The following PCDHGA4 variants were observed in gnomAD, a reference collection of about 807,000 sequenced individuals.
PCDHGA4 encodes the protein protocadherin gamma subfamily A, 4.
A neutral mutation model predicts 54.6 loss-of-function variants in PCDHGA4; 38 were observed. The ratio of observed to expected loss-of-function variants is 0.70; its 90% CI spans 0.54 to 0.91. PCDHGA4 has a LOEUF of 0.91. Among genes scored for constraint, PCDHGA4 ranks in the 40% least tolerant of loss-of-function variants. The pLI is 0.00. For missense variants in PCDHGA4, 1,298 were observed against 1,220.9 expected, an observed-to-expected ratio of 1.06 and a Z score of -0.94; for synonymous variants, 511 against 512.9, an observed-to-expected ratio of 1.00 and a Z score of 0.05.
At chr5:141,384,809 C>T (rs1780535972) in intron 1 of PCDHGA4, 1 of 1,613,250 alleles carries the variant, frequency 6.2e-7, no homozygotes, top group African/African-American at 1.3e-5. Context: ...GACAGAGATG[C>T]CCTCAAGCAG....
At chr5:141,446,128 G>T (rs1242643475) in intron 1 of PCDHGA4, among the ~76,000 whole-genome samples, 1 of 152,188 alleles carries the variant, frequency 6.6e-6, no homozygotes, top group Admixed American at 6.5e-5. Context: ...GGTTCAATAA[G>T]ACTTAATAAT....
chr5:141,391,775 A>T (rs996921581), intron 1 of PCDHGA4: 1 of 152,210 alleles, frequency 6.6e-6, no homozygotes, highest in Non-Finnish European at 1.5e-5. Flanking sequence ...TTATATAGTC[A>T]TTACTTTTTG....
intron 1 of PCDHGA4, chr5:141,378,704 G>A (rs1775100637): frequency 6.6e-6 from 1 of 152,054 alleles, no homozygotes. Flanking sequence ...AGACAATAAG[G>A]CTTTCATCAT....
intron 1 of PCDHGA4, chr5:141,398,694 T>A: frequency 6.2e-7 from 1 of 1,613,868 alleles, no homozygotes; most frequent in Non-Finnish European, 8.5e-7. Context: ...AGGATGGTAG[T>A]AAATACCCGG....
chr5:141,494,782 C>T, intron 1 of PCDHGA4, 25 bp from the exon 2 acceptor site: 1 of 1,614,110 alleles, frequency 6.2e-7, no homozygotes. Context: ...GGTACTCAGC[C>T]CCTTTCCCTC....
intron 1 of PCDHGA4, chr5:141,427,889 G>A: frequency 1.3e-6 from 2 of 1,566,516 alleles, no homozygotes; most frequent in Non-Finnish European, 1.7e-6. Context: ...CCCACGACCA[G>A]GGCTCGCCCG....
chr5:141,438,591 CATATATATATAT>C lies in PCDHGA4; in HGVS notation c.2515-56182_2515-56171del, dbSNP rs946798767. ...TCTGATATACATACATACATACATACATATATATATATATATATATATATATATATATATATA... is the reference window on the plus strand; with the variant it reads ...TCTGATATACATACATACATACATACATATATATATATATATATATATATA... On this transcript the variant is annotated intron_variant, in intron 1 of 3. Coordinates refer to ENST00000571252, the MANE Select transcript of PCDHGA4 (RefSeq NM_018917.4). Among the ~76,000 whole-genome samples the C allele has an allele frequency of 1.5e-4, 11 of 75,568 alleles. No homozygotes were observed. The East Asian group carries it at 2.8e-3, about 19-fold the overall frequency. The allele number at this position is 75,568 out of a possible 152,430, so 49.6% of individuals were successfully genotyped here.
Position 141,489,592 on chromosome 5 carries a change from C to T in PCDHGA4, c.2515-5215C>T, listed in dbSNP as rs747085985. 1.3e-5 allele frequency: 21 copies of T among 1,613,928 alleles called. No individual in the cohort carries two copies. The East Asian group carries it at 1.6e-4, about 12-fold the overall frequency. ...GACTGAACACCCCCTGGAGCTAATC[C>T]GTGTAGAGGTAGAGATCCTGGATCT... is the stretch of plus-strand genomic sequence containing the variant. On this transcript the variant is annotated intron_variant, in intron 1 of 3. Transcript: ENST00000571252. This position sits in a 1 kb window ranked among gnomAD's most constrained non-coding sequence, Gnocchi z 4.5.
chr5:141,365,615 ACCCCGC>A, intron 1 of PCDHGA4: 1 of 1,613,178 alleles, frequency 6.2e-7, no homozygotes. Context: ...GGACCATGGA[ACCCCGC>A]CCCTCTCTAC....
At chr5:141,475,979 C>A in intron 1 of PCDHGA4, 1 of 1,020,182 alleles carries the variant, frequency 9.8e-7, no homozygotes, top group Non-Finnish European at 1.4e-6. Flanking sequence ...GACTGAACAG[C>A]CGGCGAGCAA....
chr5:141,374,065 A>G (rs776038796), intron 1 of PCDHGA4: 1 of 1,497,724 alleles, frequency 6.7e-7, no homozygotes, highest in Non-Finnish European at 8.9e-7. Flanking sequence ...ATCCCAGAGA[A>G]GTTCCTAATA....
In PCDHGA4 at chr5:141,382,776, A is replaced by G. The variant is rs572614689; in HGVS notation, c.2514+25155A>G. 9.9e-6 allele frequency: 8 copies of G among 809,846 alleles called. No individual in the cohort carries two copies. The Admixed American group carries it at 2.0e-4, about 21-fold the overall frequency. 50.2% of individuals were successfully genotyped at this position (809,846 alleles called of 1,614,324 possible). The stretch of plus-strand genomic sequence containing the variant: ...TAAGCCCTCTTCCAGGCTGCACTAA[A>G]CTCAAGCCTCTATCCTGCTGGATTC... On this transcript the variant is annotated intron_variant, in intron 1 of 3. Transcript: ENST00000571252.
intron 1 of PCDHGA4, chr5:141,375,222 G>C: frequency 6.2e-7 from 1 of 1,613,926 alleles, no homozygotes; most frequent in Non-Finnish European, 8.5e-7. Flanking sequence ...GGCCTGAATG[G>C]CCTGGTAACC....
chr5:141,428,073 G>A (rs2097106496), intron 1 of PCDHGA4: 1 of 1,609,082 alleles, frequency 6.2e-7, no homozygotes, highest in Admixed American at 1.7e-5. Flanking sequence ...CGCAGATTCG[G>A]GACACAACGC....
At chr5:141,478,845 A>G in intron 1 of PCDHGA4, 2 of 1,389,784 alleles carry the variant, frequency 1.4e-6, no homozygotes, top group Non-Finnish European at 9.5e-7. Flanking sequence ...TGGTTAAGCT[A>G]AAACACAAGA....
intron 1 of PCDHGA4, among the ~76,000 whole-genome samples, chr5:141,463,618 T>G (rs2099065558): frequency 6.6e-6 from 1 of 151,792 alleles, no homozygotes; most frequent in African/African-American, 2.4e-5. Context: ...CCGGCTAATT[T>G]TTTGTATTTT....
intron 1 of PCDHGA4, among the ~76,000 whole-genome samples, chr5:141,447,644 G>A (rs1212910845): frequency 1.3e-5 from 2 of 152,146 alleles, no homozygotes; most frequent in Admixed American, 1.3e-4. Context: ...AATGATGGTA[G>A]AATTTTCCCC....
chr5:141,408,316 G>T (rs1407149479), intron 1 of PCDHGA4: 2 of 1,613,750 alleles, frequency 1.2e-6, no homozygotes, highest in African/African-American at 1.3e-5. Flanking sequence ...ACTCGATTCC[G>T]GAGGAGCTGG....
intron 1 of PCDHGA4, among the ~76,000 whole-genome samples, chr5:141,425,402 A>C (rs1288785443): frequency 6.6e-6 from 1 of 152,222 alleles, no homozygotes; most frequent in Non-Finnish European, 1.5e-5. Flanking sequence ...AAGTTCTGTT[A>C]AGGTATAACA....
Sources: allele counts gnomAD v4.1 joint callset (sites outside exome capture counted in the v4.1 genomes callset), GRCh38; gene constraint gnomAD v4.1.1; non-coding constraint Gnocchi (gnomAD v3.1); transcripts MANE v1.5; gene names NCBI Gene and HGNC (gene_info 2026-07-23, HGNC 2026-07-21).